The following GARS1 variants were observed in gnomAD, a reference collection of about 807,000 sequenced individuals.
GARS1 encodes the protein glycine--tRNA ligase.
In GARS1, 46 loss-of-function variants were observed where a neutral mutation model predicts 86.4. That is an observed-to-expected ratio of 0.53 (90% CI 0.42 to 0.68). The LOEUF (loss-of-function observed/expected upper bound fraction) is 0.68, where lower values mean the gene tolerates loss of function less well. GARS1 is among the 30% of genes least tolerant of loss of function. The pLI is 0.00. For synonymous variants in GARS1, 342 were observed against 329.8 expected (o/e 1.04, Z -0.40); for missense variants, 797 against 915.6 (o/e 0.87, Z 1.67).
At chr7:30,629,777 T>G (rs1477070888) in intron 14 of GARS1, among the ~76,000 whole-genome samples, 1 of 152,254 alleles carries the variant, frequency 6.6e-6, no homozygotes, top group African/African-American at 2.4e-5. Flanking sequence ...TGTAAGAACC[T>G]GGGCTAGGCC....
chr7:30,616,112 A>G, intron 9 of GARS1, 54 bp downstream of exon 9: 5 of 1,583,510 alleles, frequency 3.2e-6, no homozygotes, highest in Non-Finnish European at 4.3e-6. Flanking sequence ...GGTTTGCAGC[A>G]ATTAGCAAAT....
At position 30,627,205 on chromosome 7, in the gene GARS1, C is replaced by G. The variant is rs114371943; in HGVS notation, c.1699+886C>G. The G allele has an allele frequency of 2.8e-3, 1,048 of 368,270 alleles. 9 individuals carry two copies. The highest frequency in any genetic ancestry group is 0.021 in the African/African-American group (977 of 46,160). The allele number at this position is 368,270 out of a possible 1,614,324, so 22.8% of individuals were successfully genotyped here. On this transcript the variant is annotated intron_variant, in intron 13 of 16. Coordinates refer to ENST00000389266, the MANE Select transcript of GARS1 (RefSeq NM_002047.4). ...CAGTGGAAAGAGTGAGCATACCTTT[C>G]CTTTTGTTCTTGGCTTGTCTTGTAG...
Position 30,594,902 on chromosome 7 carries a change from C to T in GARS1, c.-20C>T, listed in dbSNP as rs1172624797. 3 of 1,540,514 alleles carry T rather than the reference C, an allele frequency of 1.9e-6. No individual in the cohort carries two copies. Among genetic ancestry groups the T allele is most frequent in the African/African-American group, 1.4e-5 (1 of 73,314 alleles). ...CGCTTCCGTCGCCACCCTCTCTGGA[C>T]AGCCCAGGGCCGCAGGCTCATGCCC... On this transcript the variant is annotated 5_prime_UTR_variant, in exon 1 of 17. Coordinates refer to ENST00000389266, the MANE Select transcript of GARS1 (RefSeq NM_002047.4).
intron 10 of GARS1, among the ~76,000 whole-genome samples, chr7:30,617,760 A>G (rs375099047): frequency 6.6e-6 from 1 of 152,150 alleles, no homozygotes; most frequent in African/African-American, 2.4e-5. Flanking sequence ...ATTTAACTCA[A>G]AATTCACAGA....
At chr7:30,623,420 T>TTA (rs1783060290) in intron 12 of GARS1, among the ~76,000 whole-genome samples, 1 of 152,094 alleles carries the variant, frequency 6.6e-6, no homozygotes, top group Non-Finnish European at 1.5e-5. Context: ...CACATGTTTT[T>TTA]TATATATATA....
rs78090992 is a variant in GARS1 at position 30,630,183 on chromosome 7, G to T, written c.1810-1265G>T. 2.2e-4 allele frequency among the ~76,000 whole-genome samples: 33 copies of T among 152,272 alleles called. No homozygotes were observed. The East Asian group carries it at 6.2e-3, about 28-fold the overall frequency. On this transcript the variant is annotated intron_variant, in intron 14 of 16. Coordinates refer to ENST00000389266, the MANE Select transcript of GARS1 (RefSeq NM_002047.4). ...TAAAAATTATTTTTCTATAAAGGCA[G>T]GTCCCTGTTACTCTCTTATATTAAA...
At chr7:30,595,233 C>T in intron 1 of GARS1, 90 bp downstream of exon 1, 2 of 1,207,686 alleles carry the variant, frequency 1.7e-6, no homozygotes, top group Admixed American at 4.0e-5. Context: ...GGGGAACTGT[C>T]CTCCTCTTCG....
chr7:30,611,940 C>T (rs569720467), intron 7 of GARS1, among the ~76,000 whole-genome samples, 156 bp from the exon 8 acceptor site: 4 of 152,186 alleles, frequency 2.6e-5, no homozygotes, highest in South Asian at 2.1e-4. Flanking sequence ...TGTTTGCTAC[C>T]GAGGAAAATA....
At chr7:30,622,625 GA>G in intron 12 of GARS1, 163 bp downstream of exon 12, 3 of 750,270 alleles carry the variant, frequency 4.0e-6, no homozygotes, top group East Asian at 5.2e-5. Flanking sequence ...ATTATAGCCT[GA>G]AAAAAGATTT....
At chr7:30,623,451 G>A (rs1031058209) in intron 12 of GARS1, among the ~76,000 whole-genome samples, 1 of 152,002 alleles carries the variant, frequency 6.6e-6, no homozygotes, top group Admixed American at 6.6e-5. Context: ...AACATTTAGA[G>A]GCAATATCTC....
intron 1 of GARS1, chr7:30,596,081 C>T: frequency 2.8e-6 from 1 of 354,944 alleles, no homozygotes; most frequent in Non-Finnish European, 5.6e-6. Flanking sequence ...AGAGCCAGAG[C>T]TTGCAGTAGG....
chr7:30,631,993 ACCTTCTGG>A (rs1783243532), intron 15 of GARS1: 2 of 491,118 alleles, frequency 4.1e-6, no homozygotes, highest in Non-Finnish European at 3.7e-6. Flanking sequence ...GTCAGGACTC[ACCTTCTGG>A]CCTTGGCTCT....
chr7:30,632,237 T>G lies in GARS1; in HGVS notation c.1904-10T>G. 6.2e-7 allele frequency: 1 copy of G among 1,613,848 alleles called. No homozygotes were observed. The highest frequency in any genetic ancestry group is 1.1e-5 in the South Asian group (1 of 91,062). On this transcript the variant is annotated splice_polypyrimidine_tract_variant and intron_variant, in intron 15 of 16. Coordinates refer to ENST00000389266, the MANE Select transcript of GARS1 (RefSeq NM_002047.4). This position sits in a 1 kb window ranked among gnomAD's most constrained non-coding sequence, Gnocchi z 4.1. ...TTTTATTTTTAATTTACTTTGTTTA[T>G]TTTGGATAGCGGAAGCCCTGACCAG...
chr7:30,609,577 T>C lies in GARS1; in HGVS notation c.736-8T>C. 2 of 1,611,026 alleles carry C rather than the reference T, an allele frequency of 1.2e-6. No individual in the cohort carries two copies. The highest frequency in any genetic ancestry group is 1.7e-6 in the Non-Finnish European group (2 of 1,177,510). On this transcript the variant is annotated splice_polypyrimidine_tract_variant and splice_region_variant and intron_variant, in intron 6 of 16. Transcript: ENST00000389266. ...TCTTTTACACTAATTTCTTTATATGTCTTTTAGCTTGATAACTATGGACAG... is the reference window on the plus strand; with the variant it reads ...TCTTTTACACTAATTTCTTTATATGCCTTTTAGCTTGATAACTATGGACAG...
chr7:30,605,145 G>A (rs1794353707), intron 6 of GARS1, among the ~76,000 whole-genome samples: 1 of 152,240 alleles, frequency 6.6e-6, no homozygotes, highest in South Asian at 2.1e-4. Flanking sequence ...AAGCCCATCT[G>A]TTGCTTAAGC....
chr7:30,615,256 T>A (rs1273355999), intron 8 of GARS1, among the ~76,000 whole-genome samples: 1 of 152,214 alleles, frequency 6.6e-6, no homozygotes, highest in East Asian at 1.9e-4. Context: ...GTCATTTACT[T>A]TTTTGTAGCA....
chr7:30,633,657 C>T, intron 16 of GARS1, 78 bp from the exon 17 acceptor site: 1 of 1,551,490 alleles, frequency 6.4e-7, no homozygotes, highest in Non-Finnish European at 8.8e-7. Context: ...TGTAAGGTTT[C>T]CTGAGTTCAG....
chr7:30,620,628 G>A (rs1164616785), intron 10 of GARS1, among the ~76,000 whole-genome samples: 3 of 152,194 alleles, frequency 2.0e-5, no homozygotes, highest in Non-Finnish European at 4.4e-5. Context: ...AGTATCTTAT[G>A]TGTGTATTTA....
At chr7:30,599,314 G>A (rs928208257) in intron 2 of GARS1, among the ~76,000 whole-genome samples, 4 of 152,124 alleles carry the variant, frequency 2.6e-5, no homozygotes, top group African/African-American at 9.7e-5. Context: ...TTGTTTTGGG[G>A]TTTTAAAGTA....
Sources: gnomAD v4.1 joint callset for allele counts (sites outside exome capture counted in the v4.1 genomes callset) on GRCh38, gnomAD v4.1.1 for gene constraint, Gnocchi (gnomAD v3.1) non-coding constraint, MANE v1.5 for transcripts, NCBI Gene and HGNC (gene_info 2026-07-23, HGNC 2026-07-21) for gene names.